The following RPL7L1 variants were observed in gnomAD, a reference collection of about 807,000 sequenced individuals.
RPL7L1 encodes ribosomal protein uL30-like.
A neutral mutation model predicts 30.3 loss-of-function variants in RPL7L1; 20 were observed. The ratio of observed to expected loss-of-function variants is 0.66; its 90% CI spans 0.46 to 0.96. RPL7L1 has a LOEUF of 0.96. Among genes scored for constraint, RPL7L1 ranks in the 40% least tolerant of loss-of-function variants. RPL7L1 has a pLI of 0.00. For missense variants in RPL7L1, 271 were observed against 314.9 expected (o/e 0.86, Z 1.05); for synonymous variants, 107 against 110.1 (o/e 0.97, Z 0.18).
At chr6:42,885,253 G>A (rs548295431) in intron 4 of RPL7L1, among the ~76,000 whole-genome samples, 1 of 151,612 alleles carries the variant, frequency 6.6e-6, no homozygotes, top group South Asian at 2.1e-4. Context: ...GGGAGGCTGA[G>A]GCAGGAGAAT....
At position 42,880,985 on chromosome 6, in the gene RPL7L1, G is replaced by T. The variant is rs78833648; in HGVS notation, c.147+19G>T. 1 of 1,291,286 alleles carries T rather than the reference G, an allele frequency of 7.7e-7. No individual in the cohort carries two copies. The allele number at this position is 1,291,286 out of a possible 1,614,324, so 80.0% of individuals were successfully genotyped here. ...GAAGGAGGTAATGGTGGGGAACCAA[G>T]AGAAAGTAATTAGAATTTTTATTTG... On this transcript the variant is annotated intron_variant, in intron 2 of 5. Coordinates refer to ENST00000493763, the MANE Select transcript of RPL7L1 (RefSeq NM_001366481.3).
Position 42,883,471 on chromosome 6 carries a change from C to T in RPL7L1, c.168C>T (p.Leu56=). The T allele has an allele frequency of 6.3e-7, 1 of 1,589,634 alleles. No homozygotes were observed. The highest frequency in any genetic ancestry group is 1.2e-5 in the South Asian group (1 of 86,508). ...TGTAGCAGAAGAAAGGAAAAGGGCT[C>T]AGGTTTAAGCGACTGGAATCATTCC... is the stretch of plus-strand genomic sequence containing the variant. ...AKKEQKKGKG[L]RFKRLESFLH... Residue 56 remains leucine (L), a synonymous_variant, in exon 3 of 6, where the codon CTC becomes CTT. Coordinates refer to ENST00000493763, the MANE Select transcript of RPL7L1 (RefSeq NM_001366481.3).
At position 42,886,001 on chromosome 6, in the gene RPL7L1, A is replaced by C; in HGVS notation, c.477A>C (p.Glu159Asp). The C allele has an allele frequency of 6.2e-7, 1 of 1,607,930 alleles. No individual in the cohort carries two copies. ...WGFPNLKSVR[E>D]LILKRGQAKV... ...TTCCAAATCTGAAGTCTGTCCGAGA[A>C]CTCATTTTGAAACGTGGACAAGCCA... The change falls in exon 5 of 6, where the codon GAA becomes GAC. Residue 159 changes from glutamate (E) to aspartate (D), a missense_variant. Physicochemically the swap from Glu to Asp is conservative, Grantham distance 45. Transcript: ENST00000493763.
At chr6:42,879,976 C>G (rs997731609) in intron 1 of RPL7L1, 25 bp downstream of exon 1, 2 of 1,612,326 alleles carry the variant, frequency 1.2e-6, no homozygotes, top group East Asian at 2.2e-5. Flanking sequence ...CTTTGAATAT[C>G]TGGAGTGGGG....
Position 42,880,855 on chromosome 6 carries a change from C to T in RPL7L1, c.42-6C>T, listed in dbSNP as rs150776873. ...TGTTATCTCTGATCTCAATTTTCTG[C>T]ATCAGGCAAAGAAAAATCCCTTTGG... On this transcript the variant is annotated splice_polypyrimidine_tract_variant and splice_region_variant and intron_variant, in intron 1 of 5. Transcript: ENST00000493763. The T allele has an allele frequency of 2.7e-5, 41 of 1,536,708 alleles. No homozygotes were observed. The highest frequency in any genetic ancestry group is 3.4e-5 in the Non-Finnish European group (38 of 1,111,482).
Position 42,880,658 on chromosome 6 carries a change from G to T in RPL7L1, c.42-203G>T, listed in dbSNP as rs533151482. 4.6e-4 allele frequency: 186 copies of T among 406,504 alleles called. 5 individuals carry two copies. The highest frequency in any genetic ancestry group is 4.4e-3 in the South Asian group (184 of 41,712). 25.2% of individuals were successfully genotyped at this position (406,504 alleles called of 1,614,324 possible). A position where few individuals can be genotyped will look rare whatever the true frequency, so the allele number is the denominator to read the frequency against. The stretch of plus-strand genomic sequence containing the variant: ...CTCCCGAGTAGCTGGGATTACAGGC[G>T]TGCGCCACCACGCCCAGCTGATTTT... On this transcript the variant is annotated intron_variant, in intron 1 of 5. Transcript: ENST00000493763.
Position 42,879,652 on chromosome 6 carries a change from A to T in RPL7L1, c.-259A>T, listed in dbSNP as rs1479084307. ...CGGACGCCATAGGTGCATTGTGGGAAGCACTTTGCTGTCCACAGCCAGGCC... is the reference window on the plus strand; with the variant it reads ...CGGACGCCATAGGTGCATTGTGGGATGCACTTTGCTGTCCACAGCCAGGCC... On this transcript the variant is annotated 5_prime_UTR_variant, in exon 1 of 6. In the 5' UTR this introduces an upstream ATG that the reference lacks. Coordinates refer to ENST00000493763, the MANE Select transcript of RPL7L1 (RefSeq NM_001366481.3). 1.0e-5 allele frequency: 4 copies of T among 390,694 alleles called. No homozygotes were observed. Among genetic ancestry groups the T allele is most frequent in the Non-Finnish European group, 2.0e-5 (4 of 204,920 alleles). The allele number at this position is 390,694 out of a possible 1,614,324, so 24.2% of individuals were successfully genotyped here.
chr6:42,886,560 T>C lies in RPL7L1; in HGVS notation c.*96T>C. On this transcript the variant is annotated 3_prime_UTR_variant, in exon 6 of 6. Coordinates refer to ENST00000493763, the MANE Select transcript of RPL7L1 (RefSeq NM_001366481.3). ...AGTTCTTTTTGCATTTACTAGTATT[T>C]AAGAGTAACCTTGAGATTGGGAGGA... 1.4e-6 allele frequency: 1 copy of C among 696,904 alleles called. No homozygotes were observed. The allele number at this position is 696,904 out of a possible 1,614,324, so 43.2% of individuals were successfully genotyped here.
chr6:42,883,532 C>T lies in RPL7L1; in HGVS notation c.229C>T (p.Arg77Cys), dbSNP rs745431151. Residue 77 changes from arginine (R) to cysteine (C), a missense_variant, in exon 3 of 6, where the codon CGT becomes TGT. Transcript: ENST00000493763. ...CTGGCGGCAGAAACGTGACAAGGTG[C>T]GTCTCAGACGACTAGAAGTGAAACC... ...DSWRQKRDKV[R>C]LRRLEVKPHA... is the part of the protein sequence containing the mutation. 5 of 1,608,800 alleles carry T rather than the reference C, an allele frequency of 3.1e-6. No individual in the cohort carries two copies. The highest frequency in any genetic ancestry group is 3.4e-6 in the Non-Finnish European group (4 of 1,176,824).
Position 42,886,362 on chromosome 6 carries a change from G to T in RPL7L1, c.666G>T (p.Val222=). ...TCTTGTGCCCTTTCCACCTCTCAGT[G>T]GCCCGTCATGCTACCAAAAATAGAG... The part of the protein sequence containing the change: ...SWFLCPFHLS[V]ARHATKNRVG... Residue 222 remains valine, a synonymous_variant, in exon 6 of 6, where the codon GTG becomes GTT. Coordinates refer to ENST00000493763, the MANE Select transcript of RPL7L1 (RefSeq NM_001366481.3). 6.2e-7 allele frequency: 1 copy of T among 1,602,128 alleles called. No homozygotes were observed. Among genetic ancestry groups the T allele is most frequent in the Middle Eastern group, 2.3e-4 (1 of 4,434 alleles).
Position 42,888,679 on chromosome 6 carries a change from T to TG in RPL7L1, c.*2216dup, listed in dbSNP as rs1194878238. 1.3e-5 allele frequency: 2 copies of TG among 152,310 alleles called. No individual in the cohort carries two copies. The highest frequency in any genetic ancestry group is 4.8e-5 in the African/African-American group (2 of 41,460). The allele number at this position is 152,310 out of a possible 1,614,324, so 9.4% of individuals were successfully genotyped here. A position where few individuals can be genotyped will look rare whatever the true frequency, so the allele number is the denominator to read the frequency against. ...GAATAGAATTGCCTGGTTTCTCTGA[T>TG]GATCAGCATGGTTCCTTAAAACCCA... On this transcript the variant is annotated 3_prime_UTR_variant, in exon 6 of 6. Transcript: ENST00000493763.
chr6:42,888,767 G>A lies in RPL7L1; in HGVS notation c.*2303G>A, dbSNP rs1766373162. On this transcript the variant is annotated 3_prime_UTR_variant, in exon 6 of 6. Coordinates refer to ENST00000493763, the MANE Select transcript of RPL7L1 (RefSeq NM_001366481.3). ...GAAATTAGCACTGTTTGGCTCGTTA[G>A]GCCCCAGGCAGGCAGGCACCTTAAT... 6.6e-6 allele frequency: 1 copy of A among 152,180 alleles called. No individual in the cohort carries two copies. Among genetic ancestry groups the A allele is most frequent in the Non-Finnish European group, 1.5e-5 (1 of 68,040 alleles). The allele number at this position is 152,180 out of a possible 1,614,324, so 9.4% of individuals were successfully genotyped here. A position where few individuals can be genotyped will look rare whatever the true frequency, so the allele number is the denominator to read the frequency against.
At position 42,884,641 on chromosome 6, in the gene RPL7L1, A is replaced by G. The variant is rs1463215831; in HGVS notation, c.340A>G (p.Arg114Gly). The G allele has an allele frequency of 6.8e-6, 11 of 1,613,298 alleles. No individual in the cohort carries two copies. The highest frequency in any genetic ancestry group is 7.6e-6 in the Non-Finnish European group (9 of 1,179,820). ...TGACGGCGTGAGTTTACTGGTGCAG[A>G]GAACCATTGCAAGACTTCGCCTAAA... ...RIDGVSLLVQ[R>G]TIARLRLKKI... Residue 114 changes from arginine (R) to glycine (G), a missense_variant, in exon 4 of 6, where the codon AGA becomes GGA. Arg to Gly is a moderately radical substitution (Grantham distance 125, BLOSUM62 -2). Transcript: ENST00000493763.
rs1765994648 is a variant in RPL7L1, at chr6:42,879,663, G to C, written c.-248G>C. ...GGTGCATTGTGGGAAGCACTTTGCT[G>C]TCCACAGCCAGGCCGCTTGTGATGA... On this transcript the variant is annotated 5_prime_UTR_variant, in exon 1 of 6. Coordinates refer to ENST00000493763, the MANE Select transcript of RPL7L1 (RefSeq NM_001366481.3). The C allele has an allele frequency of 6.6e-6, 3 of 454,540 alleles. No individual in the cohort carries two copies. The Admixed American group carries it at 1.0e-4, about 15-fold the overall frequency. 28.2% of individuals were successfully genotyped at this position (454,540 alleles called of 1,614,324 possible). A position where few individuals can be genotyped will look rare whatever the true frequency, so the allele number is the denominator to read the frequency against.
rs1042212374 is a variant in RPL7L1, at chr6:42,881,111, G to T, written c.147+145G>T. 3.8e-5 allele frequency: 23 copies of T among 604,740 alleles called. No individual in the cohort carries two copies. The African/African-American group carries it at 4.4e-4, about 11-fold the overall frequency. 37.5% of individuals were successfully genotyped at this position (604,740 alleles called of 1,614,324 possible). A position where few individuals can be genotyped will look rare whatever the true frequency, so the allele number is the denominator to read the frequency against. On this transcript the variant is annotated intron_variant, in intron 2 of 5. Coordinates refer to ENST00000493763, the MANE Select transcript of RPL7L1 (RefSeq NM_001366481.3). ...TAGTTGTCTCTCAGTGTCCTTAAGG[G>T]GTTGGTTCCAGGACTCCCACAGATG...
Position 42,884,649 on chromosome 6 carries a change from T to C in RPL7L1, c.348T>C (p.Ile116=). 1 of 1,613,622 alleles carries C rather than the reference T, an allele frequency of 6.2e-7. No homozygotes were observed. Among genetic ancestry groups the C allele is most frequent in the Non-Finnish European group, 8.5e-7 (1 of 1,179,886 alleles). Residue 116 remains isoleucine (I), a synonymous_variant, in exon 4 of 6, where the codon ATT becomes ATC. Transcript: ENST00000493763. ...TGAGTTTACTGGTGCAGAGAACCAT[T>C]GCAAGACTTCGCCTAAAGAAAATTT... ...DGVSLLVQRT[I]ARLRLKKIFS... is the part of the protein sequence containing the mutation.
In RPL7L1 at chr6:42,879,874, G is replaced by C. The variant is rs1039714770; in HGVS notation, c.-37G>C. The stretch of plus-strand genomic sequence containing the variant: ...AGACGTCTCTATGGTCAAGTAAACA[G>C]AGCGTGTGCTGTCTTCCCCATGTGG... On this transcript the variant is annotated 5_prime_UTR_variant, in exon 1 of 6. Transcript: ENST00000493763. 2 of 1,611,050 alleles carry C rather than the reference G, an allele frequency of 1.2e-6. No homozygotes were observed. Among genetic ancestry groups the C allele is most frequent in the African/African-American group, 2.7e-5 (2 of 74,862 alleles).
chr6:42,883,664 C>T (rs776757429), intron 3 of RPL7L1, 50 bp downstream of exon 3: 11 of 1,481,980 alleles, frequency 7.4e-6, no homozygotes, highest in Non-Finnish European at 9.1e-6. Context: ...CAAAGTGTTG[C>T]TTAAGCTTTA....
chr6:42,889,877 G>T lies in RPL7L1; in HGVS notation c.*3413G>T, dbSNP rs1371824770. On this transcript the variant is annotated 3_prime_UTR_variant, in exon 6 of 6. Transcript: ENST00000493763. ...AATTTATAATTGTATACAAATAAAA[G>T]ATGTTACAAAAATTGCGCACTTATA... The T allele has an allele frequency of 6.6e-6, 1 of 152,192 alleles. No individual in the cohort carries two copies. The highest frequency in any genetic ancestry group is 6.5e-5 in the Admixed American group (1 of 15,284). The allele number at this position is 152,192 out of a possible 1,614,324, so 9.4% of individuals were successfully genotyped here. A position where few individuals can be genotyped will look rare whatever the true frequency, so the allele number is the denominator to read the frequency against.
Sources: gnomAD v4.1 joint callset for allele counts (sites outside exome capture counted in the v4.1 genomes callset) on GRCh38, gnomAD v4.1.1 for gene constraint, MANE v1.5 for transcripts, NCBI Gene and HGNC (gene_info 2026-07-23, HGNC 2026-07-21) for gene names.